SLC8A1: variants seen among roughly 807,000 people sequenced by gnomAD.
SLC8A1 encodes sodium/calcium exchanger 1.
In SLC8A1, 18 loss-of-function variants were observed where a neutral mutation model predicts 68.3. That is an observed-to-expected ratio of 0.26 (90% CI 0.18 to 0.39). The LOEUF is 0.39. SLC8A1 is among the 10% of genes least tolerant of loss of function. The pLI, the probability that SLC8A1 is intolerant of heterozygous loss-of-function variation, is 1.00. For synonymous variants in SLC8A1, 475 were observed against 415.5 expected, an observed-to-expected ratio of 1.14 and a Z score of -1.74; for missense variants, 985 against 1,156.7, an observed-to-expected ratio of 0.85 and a Z score of 2.15.
intron 7 of SLC8A1, chr2:40,117,137 G>A (rs1433150206): frequency 6.6e-6 from 1 of 152,052 alleles, no homozygotes; most frequent in Non-Finnish European, 1.5e-5. Context: ...AATATAAACC[G>A]AGCAGGCTAG....
At chr2:40,355,658 A>C (rs1452272675) in intron 2 of SLC8A1, among the ~76,000 whole-genome samples, 1 of 152,158 alleles carries the variant, frequency 6.6e-6, no homozygotes, top group South Asian at 2.1e-4. Flanking sequence ...AGGCCAGGTC[A>C]CTAAGCCAGT....
At chr2:40,456,967 T>C (rs1485632060), upstream of SLC8A1, among the ~76,000 whole-genome samples, 1 of 152,176 alleles carries the variant, frequency 6.6e-6, no homozygotes, top group East Asian at 1.9e-4. Flanking sequence ...TGTAAGTACA[T>C]AGTGTGGTTA....
intron 2 of SLC8A1, among the ~76,000 whole-genome samples, chr2:40,370,152 G>A (rs1468388514): frequency 2.6e-5 from 4 of 152,060 alleles, no homozygotes; most frequent in Non-Finnish European, 5.9e-5. Context: ...TTAAAATTAA[G>A]GAAAAAGGTC....
At chr2:40,368,802 C>T (rs1174836002) in intron 2 of SLC8A1, among the ~76,000 whole-genome samples, 1 of 151,930 alleles carries the variant, frequency 6.6e-6, no homozygotes, top group Non-Finnish European at 1.5e-5. Flanking sequence ...TACAGGGTGA[C>T]AGTAACCAAA....
intron 7 of SLC8A1, among the ~76,000 whole-genome samples, chr2:40,133,401 G>A (rs936496004): frequency 2.0e-5 from 3 of 151,048 alleles, no homozygotes; most frequent in South Asian, 2.1e-4. Context: ...TGGGGGGGGG[G>A]GGGGTGGAAA....
intron 7 of SLC8A1, among the ~76,000 whole-genome samples, chr2:40,125,735 G>A (rs532899792): frequency 1.7e-4 from 26 of 151,688 alleles, no homozygotes; most frequent in South Asian, 2.1e-4. Context: ...TACTAGATAC[G>A]TAACTTATAA....
At chr2:40,453,976 T>C (rs6723559), upstream of SLC8A1, among the ~76,000 whole-genome samples, 26,156 of 152,144 alleles carry the variant, frequency 0.17, 2,336 homozygotes, top group Middle Eastern at 0.27. Context: ...TGCTATAAGT[T>C]AAATTTTCTT....
chr2:40,279,266 C>G (rs1232332180), intron 2 of SLC8A1, among the ~76,000 whole-genome samples: 1 of 152,154 alleles, frequency 6.6e-6, no homozygotes, highest in Admixed American at 6.5e-5. Flanking sequence ...TTCTGGCTCC[C>G]TTATACTACA....
intron 1 of SLC8A1, among the ~76,000 whole-genome samples, chr2:40,439,522 T>C (rs1237137225): frequency 6.6e-6 from 1 of 152,158 alleles, no homozygotes; most frequent in East Asian, 1.9e-4. Context: ...GAACTGGGGA[T>C]GTTTAATACA....
chr2:40,334,378 G>A (rs754246268), intron 2 of SLC8A1, among the ~76,000 whole-genome samples: 3 of 152,118 alleles, frequency 2.0e-5, no homozygotes, highest in Non-Finnish European at 4.4e-5. Flanking sequence ...GTTTTATATA[G>A]ACATGACTTA....
Position 40,203,886 on chromosome 2 carries a change from AT to A in SLC8A1, c.1809-26032del, listed in dbSNP as rs60592471. 9.9e-5 allele frequency among the ~76,000 whole-genome samples: 15 copies of A among 151,430 alleles called. No individual in the cohort carries two copies. In the South Asian group the frequency reaches 2.3e-3, roughly 23 times the overall value. On this transcript the variant is annotated intron_variant, in intron 2 of 7. Transcript: ENST00000406785. ...CACCTGGCTAATTTTTTAATTAAAA[AT>A]TTTTTTTTTGTAGAGATGAGGTTTC...
chr2:40,422,557 A>G (rs1277045001), intron 2 of SLC8A1, among the ~76,000 whole-genome samples: 1 of 152,164 alleles, frequency 6.6e-6, no homozygotes, highest in Non-Finnish European at 1.5e-5. Flanking sequence ...CCATTTCACA[A>G]CTTAGTGTAA....
intron 7 of SLC8A1, among the ~76,000 whole-genome samples, chr2:40,132,791 G>A (rs1009599973): frequency 2.0e-5 from 3 of 152,096 alleles, no homozygotes; most frequent in African/African-American, 7.2e-5. Flanking sequence ...GGCAAAATCA[G>A]TTCACATCAC....
intron 2 of SLC8A1, among the ~76,000 whole-genome samples, chr2:40,410,180 T>G (rs974303584): frequency 6.6e-6 from 1 of 151,942 alleles, no homozygotes; most frequent in Non-Finnish European, 1.5e-5. Flanking sequence ...TGGAAATGGG[T>G]TGTTCGATTA....
chr2:40,511,880 C>T (rs1267223529), intron 1 of SLC8A1, among the ~76,000 whole-genome samples: 2 of 152,060 alleles, frequency 1.3e-5, no homozygotes, highest in African/African-American at 2.4e-5. Flanking sequence ...AAAATAATGT[C>T]GTTTACAAGC....
At chr2:40,400,409 C>A (rs1485317843) in intron 2 of SLC8A1, among the ~76,000 whole-genome samples, 7 of 152,216 alleles carry the variant, frequency 4.6e-5, no homozygotes, top group Admixed American at 3.3e-4. Context: ...ACTGGGCTAT[C>A]TGAGAATTCA....
chr2:40,379,188 G>C (rs954869131), intron 2 of SLC8A1, among the ~76,000 whole-genome samples: 20 of 152,028 alleles, frequency 1.3e-4, no homozygotes, highest in African/African-American at 4.6e-4. Flanking sequence ...TGAATTACTG[G>C]ACCCTCTCTT....
intron 1 of SLC8A1, among the ~76,000 whole-genome samples, chr2:40,511,778 C>G (rs1053086466): frequency 3.3e-5 from 5 of 152,090 alleles, no homozygotes; most frequent in Non-Finnish European, 4.4e-5. Flanking sequence ...CGTAAGACCC[C>G]GTGTTTGTGA....
intron 2 of SLC8A1, among the ~76,000 whole-genome samples, chr2:40,409,705 A>G (rs1691498736): frequency 6.6e-6 from 1 of 152,170 alleles, no homozygotes; most frequent in African/African-American, 2.4e-5. Flanking sequence ...GGAGTTGATT[A>G]CAGTAGAAAT....
Sources: allele counts gnomAD v4.1 joint callset (sites outside exome capture counted in the v4.1 genomes callset), GRCh38; gene constraint gnomAD v4.1.1; transcripts MANE v1.5; gene names NCBI Gene and HGNC (gene_info 2026-07-23, HGNC 2026-07-21).